SLC71A2: variants seen among roughly 807,000 people sequenced by gnomAD.
SLC71A2 encodes the protein hippocampus abundant transcript-like 1.
chr9:94,424,727 C>CTTTTTTTTTTTT, the SLC71A2 span, among the ~76,000 whole-genome samples: 15 of 91,824 alleles, frequency 1.6e-4, no homozygotes, highest in East Asian at 3.0e-4. Flanking sequence ...TTGTTTTCTG[C>CTTTTTTTTTTTT]TTTTTTTTTT....
At chr9:94,440,913 G>A in the SLC71A2 span, 23 of 843,094 alleles carry the variant, frequency 2.7e-5, no homozygotes, top group Admixed American at 1.5e-4. Context: ...TTTACATGAT[G>A]TCTTTGGCTC....
At chr9:94,425,523 T>C in the SLC71A2 span, among the ~76,000 whole-genome samples, 1 of 152,080 alleles carries the variant, frequency 6.6e-6, no homozygotes, top group Non-Finnish European at 1.5e-5. Context: ...GAAGCTGTCT[T>C]CTTGAGTTGA....
chr9:94,419,298 CTTT>C, the SLC71A2 span, among the ~76,000 whole-genome samples: 6 of 132,656 alleles, frequency 4.5e-5, no homozygotes, highest in Admixed American at 7.9e-5. Context: ...ACTTTTTTTT[CTTT>C]TTTTTTTTTT....
the SLC71A2 span, among the ~76,000 whole-genome samples, chr9:94,453,805 G>A: frequency 6.6e-6 from 1 of 152,162 alleles, no homozygotes; most frequent in Non-Finnish European, 1.5e-5. Flanking sequence ...CCCTGTAGAA[G>A]GTCATCAGTA....
the SLC71A2 span, chr9:94,429,134 A>G: frequency 2.5e-6 from 4 of 1,602,036 alleles, no homozygotes; most frequent in East Asian, 6.7e-5. Context: ...GAGGCAGAAA[A>G]TTTTTCCTTT....
At chr9:94,397,975 C>T in the SLC71A2 span, among the ~76,000 whole-genome samples, 1 of 152,128 alleles carries the variant, frequency 6.6e-6, no homozygotes. Flanking sequence ...CTATGTGCAG[C>T]CCACGCTTTC....
the SLC71A2 span, among the ~76,000 whole-genome samples, chr9:94,419,119 T>G: frequency 4.1e-5 from 6 of 144,628 alleles, no homozygotes; most frequent in Non-Finnish European, 6.1e-5. Flanking sequence ...CAATTTTGGG[T>G]TTTTTTTTTT....
chr9:94,379,079 T>C, the SLC71A2 span, among the ~76,000 whole-genome samples: 1 of 130,456 alleles, frequency 7.7e-6, no homozygotes, highest in Non-Finnish European at 1.7e-5. Context: ...GGATTCTTGG[T>C]GTGCATTTCC....
At chr9:94,456,835 A>T in the SLC71A2 span, among the ~76,000 whole-genome samples, 1 of 152,184 alleles carries the variant, frequency 6.6e-6, no homozygotes, top group Non-Finnish European at 1.5e-5. Context: ...ATTAAAATTA[A>T]GACTGCTATG....
chr9:94,420,565 T>A, the SLC71A2 span, among the ~76,000 whole-genome samples: 1 of 152,214 alleles, frequency 6.6e-6, no homozygotes, highest in Non-Finnish European at 1.5e-5. Context: ...CTGACAATTT[T>A]TTTTTCTTGT....
the SLC71A2 span, among the ~76,000 whole-genome samples, chr9:94,452,660 T>TATATATTC: frequency 7.2e-5 from 4 of 55,642 alleles, no homozygotes; most frequent in East Asian, 5.0e-4. Flanking sequence ...TATATATTCA[T>TATATATTC]ATATATTCAT....
the SLC71A2 span, among the ~76,000 whole-genome samples, chr9:94,385,252 A>T: frequency 6.6e-6 from 1 of 152,174 alleles, no homozygotes; most frequent in African/African-American, 2.4e-5. Flanking sequence ...AGTCCAGTGT[A>T]TCTATTTTGA....
At chr9:94,458,088 A>C in the SLC71A2 span, among the ~76,000 whole-genome samples, 1 of 152,194 alleles carries the variant, frequency 6.6e-6, no homozygotes, top group South Asian at 2.1e-4. Flanking sequence ...GAAGATATTA[A>C]AGTTTTGGAT....
the SLC71A2 span, among the ~76,000 whole-genome samples, chr9:94,408,222 C>A: frequency 0.2 from 30,328 of 152,080 alleles, 3,252 homozygotes; most frequent in African/African-American, 0.28. Context: ...TCTGGATAAG[C>A]CCATCGTAGG....
At chr9:94,395,584 T>C in the SLC71A2 span, among the ~76,000 whole-genome samples, 1 of 152,174 alleles carries the variant, frequency 6.6e-6, no homozygotes, top group African/African-American at 2.4e-5. Context: ...GGTCTCAAGA[T>C]GACTGAGCAA....
the SLC71A2 span, among the ~76,000 whole-genome samples, chr9:94,454,265 A>G: frequency 6.6e-6 from 1 of 152,304 alleles, no homozygotes; most frequent in Non-Finnish European, 1.5e-5. Context: ...GACTACCTTT[A>G]TGTCATTGGA....
At chr9:94,439,021 C>A in the SLC71A2 span, among the ~76,000 whole-genome samples, 1 of 75,850 alleles carries the variant, frequency 1.3e-5, no homozygotes, top group East Asian at 3.3e-4. Flanking sequence ...AATTTGAGTT[C>A]GTTTTTTTTT....
the SLC71A2 span, among the ~76,000 whole-genome samples, chr9:94,420,463 A>G: frequency 1.3e-5 from 2 of 152,152 alleles, no homozygotes; most frequent in African/African-American, 2.4e-5. Flanking sequence ...TATGCCTTTG[A>G]TTGAATTCCA....
At chr9:94,389,703 C>A in the SLC71A2 span, among the ~76,000 whole-genome samples, 3 of 151,908 alleles carry the variant, frequency 2.0e-5, no homozygotes, top group African/African-American at 7.2e-5. Flanking sequence ...AACTCCTGGG[C>A]TTAAGTGATT....
Sources: gnomAD v4.1 joint callset for allele counts (sites outside exome capture counted in the v4.1 genomes callset) on GRCh38, gnomAD v4.1.1 for gene constraint, MANE v1.5 for transcripts, NCBI Gene and HGNC (gene_info 2026-07-23, HGNC 2026-07-21) for gene names.